The following FSTL5 variants were observed in gnomAD, a reference collection of about 807,000 sequenced individuals.
The protein encoded by FSTL5 is follistatin-related protein 5.
FSTL5 carries 62 observed loss-of-function variants against 89.1 expected under a neutral mutation model. The ratio of observed to expected loss-of-function variants is 0.70; its 90% CI spans 0.57 to 0.86. The LOEUF is 0.86. Among genes scored for constraint, FSTL5 ranks in the 40% least tolerant of loss-of-function variants. The probability of loss-of-function intolerance (pLI) is 0.00; values close to 1 mark genes in which losing one functional copy is unlikely to be tolerated. For missense variants in FSTL5, 1,057 were observed against 1,001.6 expected, an observed-to-expected ratio of 1.06 and a Z score of -0.75; for synonymous variants, 383 against 346.2, an observed-to-expected ratio of 1.11 and a Z score of -1.18.
At chr4:162,127,497 A>T (rs1732128829) in intron 1 of FSTL5, among the ~76,000 whole-genome samples, 1 of 152,146 alleles carries the variant, frequency 6.6e-6, no homozygotes, top group Non-Finnish European at 1.5e-5. Context: ...TCATTCAAGC[A>T]TTTTTTTAAG....
intron 4 of FSTL5, among the ~76,000 whole-genome samples, chr4:161,839,803 C>T (rs1247229845): frequency 1.3e-5 from 2 of 152,076 alleles, no homozygotes; most frequent in Non-Finnish European, 2.9e-5. Flanking sequence ...ATAGTGTATG[C>T]ATTTGCTAAA....
intron 15 of FSTL5, among the ~76,000 whole-genome samples, chr4:161,427,120 A>G (rs1732191916): frequency 6.6e-6 from 1 of 152,238 alleles, no homozygotes; most frequent in Admixed American, 6.5e-5. Context: ...GCAACTTTAC[A>G]GTTTCGTCCA....
At chr4:161,967,093 CTG>C (rs990678211) in intron 3 of FSTL5, among the ~76,000 whole-genome samples, 3 of 148,464 alleles carry the variant, frequency 2.0e-5, no homozygotes, top group Non-Finnish European at 4.5e-5. Context: ...AAAAAAAAAA[CTG>C]TTTCATAAAA....
intron 15 of FSTL5, among the ~76,000 whole-genome samples, chr4:161,440,501 C>G (rs1732725016): frequency 6.6e-6 from 1 of 152,108 alleles, no homozygotes; most frequent in Non-Finnish European, 1.5e-5. Flanking sequence ...AAGGGTTAGA[C>G]ATGGCTGTTT....
chr4:161,684,392 G>A (rs1035926305), intron 6 of FSTL5, among the ~76,000 whole-genome samples: 3 of 152,070 alleles, frequency 2.0e-5, no homozygotes, highest in Non-Finnish European at 4.4e-5. Flanking sequence ...CATTCCCACC[G>A]GCAGTTGAGA....
At chr4:161,460,348 C>CTAAGTACTTATCCAT (rs371379603) in intron 13 of FSTL5, among the ~76,000 whole-genome samples, 27 of 138,704 alleles carry the variant, frequency 1.9e-4, no homozygotes, top group East Asian at 1.1e-3. Flanking sequence ...GTTAACTTGT[C>CTAAGTACTTATCCAT]ATTTACATTA....
intron 5 of FSTL5, among the ~76,000 whole-genome samples, chr4:161,763,428 G>T (rs1348478316): frequency 6.6e-6 from 1 of 152,144 alleles, no homozygotes; most frequent in Non-Finnish European, 1.5e-5. Flanking sequence ...GGGATTAGGG[G>T]ATGATTTGGA....
At chr4:161,476,164 A>T (rs1734129215) in intron 13 of FSTL5, among the ~76,000 whole-genome samples, 1 of 118,046 alleles carries the variant, frequency 8.5e-6, no homozygotes, top group Admixed American at 8.8e-5. Context: ...TCCTTCTTCA[A>T]GTTTGCTGGT....
intron 3 of FSTL5, among the ~76,000 whole-genome samples, chr4:161,970,190 G>GT (rs1237196769): frequency 1.1e-4 from 16 of 152,090 alleles, no homozygotes; most frequent in Non-Finnish European, 2.9e-5. Context: ...CCAGATGAAG[G>GT]TAATGAGGAC....
intron 8 of FSTL5, among the ~76,000 whole-genome samples, chr4:161,571,848 T>C (rs919179945): frequency 6.6e-6 from 1 of 152,178 alleles, no homozygotes; most frequent in Non-Finnish European, 1.5e-5. Flanking sequence ...CCAAGAGGCA[T>C]CGTGAGTGTC....
chr4:161,534,781 A>G (rs555469289), intron 10 of FSTL5, among the ~76,000 whole-genome samples: 12 of 152,242 alleles, frequency 7.9e-5, no homozygotes, highest in Admixed American at 3.9e-4. Context: ...AATCCTAAGC[A>G]AAAAGAACAA....
chr4:161,862,079 C>A (rs1450176856), intron 4 of FSTL5, among the ~76,000 whole-genome samples: 4 of 152,124 alleles, frequency 2.6e-5, no homozygotes, highest in Non-Finnish European at 4.4e-5. Flanking sequence ...ATTTAATAAA[C>A]CGTAGAAAAA....
intron 4 of FSTL5, among the ~76,000 whole-genome samples, chr4:161,803,251 T>G (rs572881533): frequency 8.3e-4 from 126 of 152,100 alleles, no homozygotes; most frequent in African/African-American, 3.0e-3. Flanking sequence ...TCTACAAGAT[T>G]CTGTATTTAA....
intron 4 of FSTL5, among the ~76,000 whole-genome samples, chr4:161,851,280 T>G (rs564369939): frequency 6.6e-6 from 1 of 152,320 alleles, no homozygotes; most frequent in South Asian, 2.1e-4. Context: ...TATATAAAGA[T>G]AGAAGCTACT....
At chr4:161,726,286 G>A (rs1298540317) in intron 6 of FSTL5, among the ~76,000 whole-genome samples, 2 of 141,156 alleles carry the variant, frequency 1.4e-5, no homozygotes, top group Non-Finnish European at 1.5e-5. Context: ...GAGTGCAGTG[G>A]CAAGATCTCG....
At chr4:161,912,730 G>C (rs913218114) in intron 4 of FSTL5, among the ~76,000 whole-genome samples, 3 of 152,180 alleles carry the variant, frequency 2.0e-5, no homozygotes, top group African/African-American at 7.2e-5. Context: ...CTTTGGAACT[G>C]GGTAAGAGGC....
At chr4:162,084,576 T>C (rs1368856936) in intron 2 of FSTL5, among the ~76,000 whole-genome samples, 1 of 152,078 alleles carries the variant, frequency 6.6e-6, no homozygotes, top group East Asian at 1.9e-4. Flanking sequence ...ATATATACCA[T>C]GGAATACTAT....
intron 4 of FSTL5, among the ~76,000 whole-genome samples, chr4:161,851,892 T>TACACACAC (rs140056514): frequency 0.024 from 3,593 of 149,860 alleles, 85 homozygotes; most frequent in African/African-American, 0.065. Context: ...ATCTCATCCC[T>TACACACAC]ACACACACAC....
Position 161,457,069 on chromosome 4 carries a change from A to G in FSTL5, c.1717-1941T>C, listed in dbSNP as rs181592004. On this transcript the variant is annotated intron_variant, in intron 14 of 15. Coordinates refer to ENST00000306100, the MANE Select transcript of FSTL5 (RefSeq NM_020116.5). ...AGCATTAGGCTCTCCACGTGACCCA[A>G]AGTTGATTATGGCTGAGGCATAAAC... Among the ~76,000 whole-genome samples the G allele has an allele frequency of 1.2e-3, 185 of 152,276 alleles. 2 individuals are homozygous for G. In the East Asian group the frequency reaches 0.021, roughly 18 times the overall value.
Sources: gnomAD v4.1 joint callset for allele counts (sites outside exome capture counted in the v4.1 genomes callset) on GRCh38, gnomAD v4.1.1 for gene constraint, MANE v1.5 for transcripts, NCBI Gene and HGNC (gene_info 2026-07-23, HGNC 2026-07-21) for gene names.